CHRDL1: variants seen among roughly 807,000 people sequenced by gnomAD.
The protein encoded by CHRDL1 is chordin like 1.
In CHRDL1, 19 loss-of-function variants were observed where a neutral mutation model predicts 40.9. That is an observed-to-expected ratio of 0.46 (90% CI 0.32 to 0.68). The LOEUF is 0.68. Among genes scored for constraint, CHRDL1 ranks in the 30% least tolerant of loss-of-function variants. The pLI is 0.03. For synonymous variants in CHRDL1, 136 were observed against 123.4 expected, an observed-to-expected ratio of 1.10 and a Z score of -0.68; for missense variants, 329 against 352.1, an observed-to-expected ratio of 0.93 and a Z score of 0.53.
At chrX:110,693,389 T>TC (rs2070318523) in intron 8 of CHRDL1, among the ~76,000 whole-genome samples, 1 of 111,211 alleles carries the variant, frequency 9.0e-6, no homozygotes, top group Admixed American at 9.6e-5. Flanking sequence ...TCTTACTTTG[T>TC]CCCCCAGGAT....
At chrX:110,774,923 T>C (rs775290695) in intron 2 of CHRDL1, among the ~76,000 whole-genome samples, 3 of 111,773 alleles carry the variant, frequency 2.7e-5, no homozygotes, top group Non-Finnish European at 3.8e-5. Flanking sequence ...TTGCATCAGA[T>C]GCAGTTCAAA....
intron 6 of CHRDL1, among the ~76,000 whole-genome samples, chrX:110,703,052 T>C (rs1432889708): frequency 2.7e-5 from 3 of 112,169 alleles, no homozygotes; most frequent in African/African-American, 9.7e-5. Context: ...AGACCACCTC[T>C]GTATCTCCTA....
At chrX:110,752,890 A>C (rs2089384789) in intron 4 of CHRDL1, among the ~76,000 whole-genome samples, 1 of 111,622 alleles carries the variant, frequency 9.0e-6, no homozygotes, top group African/African-American at 3.3e-5. Flanking sequence ...GAGATCAGAT[A>C]TGGATGGTGG....
chrX:110,782,245 TACA>T (rs1476537826), intron 2 of CHRDL1, among the ~76,000 whole-genome samples: 2 of 112,274 alleles, frequency 1.8e-5, no homozygotes, highest in African/African-American at 6.5e-5. Context: ...ACTAAATTCT[TACA>T]ACAACCCTAC....
intron 9 of CHRDL1, among the ~76,000 whole-genome samples, chrX:110,687,965 T>A (rs1468994397): frequency 8.9e-6 from 1 of 112,177 alleles, no homozygotes; most frequent in Non-Finnish European, 1.9e-5. Flanking sequence ...CTTGGTTTTA[T>A]GATTGATTAG....
chrX:110,756,357 A>G (rs969887687), intron 4 of CHRDL1, among the ~76,000 whole-genome samples: 7 of 111,600 alleles, frequency 6.3e-5, no homozygotes, highest in Non-Finnish European at 1.3e-4. Context: ...ATGGCTGAGG[A>G]GAAACTACAG....
chrX:110,689,570 A>C lies in CHRDL1; in HGVS notation c.779-767T>G, dbSNP rs368310232. The stretch of plus-strand genomic sequence containing the variant: ...TCTATATATCTATATATCTATATAT[A>C]TCTATATATCTATATATCTATATAT... On this transcript the variant is annotated intron_variant, in intron 8 of 11. Transcript: ENST00000372042. Among the ~76,000 whole-genome samples, 40 of 3,917 alleles carry C rather than the reference A, an allele frequency of 0.01. No homozygotes were observed. The South Asian group carries it at 0.11, about 11-fold the overall frequency. 3.4% of individuals were successfully genotyped at this position (3,917 alleles called of 115,157 possible).
intron 9 of CHRDL1, among the ~76,000 whole-genome samples, chrX:110,687,012 T>C (rs1380165462): frequency 3.6e-5 from 4 of 111,209 alleles, no homozygotes; most frequent in Non-Finnish European, 7.5e-5. Context: ...GTCCTTCCTG[T>C]CCACACGCTG....
intron 8 of CHRDL1, 27 bp from the exon 9 acceptor site, chrX:110,688,830 T>TA (rs753321323): frequency 1.8e-6 from 2 of 1,126,771 alleles, no homozygotes; most frequent in South Asian, 3.7e-5. Flanking sequence ...AATTAGCAAT[T>TA]AAAAGCTAAG....
chrX:110,760,141 T>C (rs1049040773), intron 3 of CHRDL1, among the ~76,000 whole-genome samples: 4 of 112,138 alleles, frequency 3.6e-5, no homozygotes, highest in African/African-American at 1.3e-4. Context: ...GAGCAATGGG[T>C]CCCCTGAGCT....
At chrX:110,746,903 C>A (rs1455614637) in intron 4 of CHRDL1, among the ~76,000 whole-genome samples, 1 of 111,714 alleles carries the variant, frequency 9.0e-6, no homozygotes, top group Non-Finnish European at 1.9e-5. Flanking sequence ...ACTGTCAATG[C>A]AAACTTTAAG....
intron 9 of CHRDL1, among the ~76,000 whole-genome samples, chrX:110,686,896 A>AAAC (rs1250198561): frequency 5.9e-5 from 6 of 102,287 alleles, no homozygotes; most frequent in Non-Finnish European, 9.8e-5. Flanking sequence ...AAAAACAAAA[A>AAAC]ATAAAAAAAA....
intron 6 of CHRDL1, among the ~76,000 whole-genome samples, chrX:110,706,631 A>C (rs987684760): frequency 5.4e-5 from 6 of 112,021 alleles, no homozygotes; most frequent in Non-Finnish European, 1.1e-4. Flanking sequence ...CAAAAGGACT[A>C]AGTGTACAAT....
intron 4 of CHRDL1, among the ~76,000 whole-genome samples, chrX:110,755,995 C>T (rs2148502495): frequency 9.0e-6 from 1 of 111,622 alleles, no homozygotes; most frequent in South Asian, 3.8e-4. Context: ...ATTTAACAGC[C>T]ACGGTGTTCA....
At chrX:110,703,729 A>AG (rs1265536083) in intron 6 of CHRDL1, among the ~76,000 whole-genome samples, 4 of 112,317 alleles carry the variant, frequency 3.6e-5, no homozygotes, top group African/African-American at 9.7e-5. Flanking sequence ...ATGTAATCGT[A>AG]GAAAGCTTCC....
intron 4 of CHRDL1, among the ~76,000 whole-genome samples, chrX:110,733,931 CAAAA>C (rs1172760631): frequency 3.3e-3 from 40 of 12,125 alleles, no homozygotes; most frequent in East Asian, 6.0e-3. Context: ...AACTCTGTCT[CAAAA>C]AAAAAAAAAA....
At position 110,793,568 on chromosome X, in the gene CHRDL1, C is replaced by T. The variant is rs745841837; in HGVS notation, c.-34-1353G>A. Among the ~76,000 whole-genome samples the T allele has an allele frequency of 7.1e-5, 8 of 111,960 alleles. No homozygotes were observed. In the South Asian group the frequency reaches 3.0e-3, roughly 42 times the overall value. ...TCAGAATGTTACTGTCCCTTGAGGG[C>T]TACCACGTTTATTCGAAACAAATCA... On this transcript the variant is annotated intron_variant, in intron 1 of 11. Coordinates refer to ENST00000372042, the MANE Select transcript of CHRDL1 (RefSeq NM_001143981.2).
intron 2 of CHRDL1, among the ~76,000 whole-genome samples, chrX:110,779,971 C>T (rs1569483835): frequency 9.0e-6 from 1 of 110,637 alleles, no homozygotes; most frequent in Non-Finnish European, 1.9e-5. Flanking sequence ...ATTTCAAATT[C>T]CACTTGTTAA....
chrX:110,785,235 C>A (rs748167533), intron 2 of CHRDL1, among the ~76,000 whole-genome samples: 1 of 111,774 alleles, frequency 8.9e-6, no homozygotes, highest in East Asian at 2.8e-4. Flanking sequence ...CACTTACAGA[C>A]AACATGGGAT....
Sources: allele counts gnomAD v4.1 joint callset (sites outside exome capture counted in the v4.1 genomes callset), GRCh38; gene constraint gnomAD v4.1.1; transcripts MANE v1.5; gene names NCBI Gene and HGNC (gene_info 2026-07-23, HGNC 2026-07-21).